The following PRKCH variants were observed in gnomAD, a reference collection of about 807,000 sequenced individuals.
The protein encoded by PRKCH is protein kinase C eta type.
In PRKCH, 28 loss-of-function variants were observed where a neutral mutation model predicts 82.5. That is an observed-to-expected ratio of 0.34 (90% CI 0.25 to 0.47). The LOEUF (loss-of-function observed/expected upper bound fraction) is 0.47. Ranked by LOEUF, PRKCH falls within the 20% of genes least tolerant of loss-of-function variation. PRKCH has a pLI of 1.00. For synonymous variants in PRKCH, 322 were observed against 327.4 expected (o/e 0.98, Z 0.18); for missense variants, 705 against 881.8 (o/e 0.80, Z 2.54).
chr14:61,477,319 G>A (rs1017372037), intron 9 of PRKCH: 2 of 152,178 alleles, frequency 1.3e-5, no homozygotes, highest in South Asian at 2.1e-4. Flanking sequence ...TAACTTTTAC[G>A]TGTTATGTCT....
Position 61,280,456 on chromosome 14 carries a change from C to T in PRKCH, c.-19+92788C>T, listed in dbSNP as rs754538378. 1 of 1,613,690 alleles carries T rather than the reference C, an allele frequency of 6.2e-7. No homozygotes were observed. Among genetic ancestry groups the T allele is most frequent in the Admixed American group, 1.7e-5 (1 of 60,012 alleles). On this transcript the variant is annotated intron_variant, in intron 1 of 3. Coordinates refer to the PRKCH transcript ENST00000555185. This position sits in a 1 kb window ranked among gnomAD's most constrained non-coding sequence, Gnocchi z 5.0. ...GTCGGGGCTGAGCTCGTAGACTGGC[C>T]GGCGCCAGTTGGGCGGGGGCGCCGT...
At chr14:61,357,559 TG>T (rs2046167233) in intron 1 of PRKCH, among the ~76,000 whole-genome samples, 1 of 152,214 alleles carries the variant, frequency 6.6e-6, no homozygotes, top group Non-Finnish European at 1.5e-5. Context: ...TCTTTCTCCT[TG>T]GCTGTCAAAT....
intron 2 of PRKCH, among the ~76,000 whole-genome samples, chr14:61,441,645 G>C (rs535797685): frequency 6.2e-4 from 94 of 150,762 alleles, no homozygotes; most frequent in Non-Finnish European, 8.0e-4. Flanking sequence ...ATTGATTTCT[G>C]TGTATTATAA....
chr14:61,430,112 T>G (rs2140258029), intron 2 of PRKCH, among the ~76,000 whole-genome samples: 1 of 152,280 alleles, frequency 6.6e-6, no homozygotes, highest in Non-Finnish European at 1.5e-5. Context: ...AATAAAGTCA[T>G]GATTCAATGA....
chr14:61,384,654 G>C (rs1225231250), intron 1 of PRKCH, among the ~76,000 whole-genome samples: 1 of 152,006 alleles, frequency 6.6e-6, no homozygotes, highest in Non-Finnish European at 1.5e-5. Flanking sequence ...AACACTGATG[G>C]CTCTTTGAGG....
chr14:61,388,621 T>C (rs1212599232), intron 1 of PRKCH, among the ~76,000 whole-genome samples: 2 of 152,146 alleles, frequency 1.3e-5, no homozygotes, highest in Non-Finnish European at 2.9e-5. Context: ...GGCCTTTATA[T>C]TGAAGATGAG....
At chr14:61,367,025 T>A (rs1025235370) in intron 1 of PRKCH, among the ~76,000 whole-genome samples, 3 of 152,040 alleles carry the variant, frequency 2.0e-5, no homozygotes, top group African/African-American at 7.3e-5. Flanking sequence ...TTTTCCTGAA[T>A]ATATCCACTT....
At chr14:61,204,800 TA>T (rs1349643158) in intron 1 of PRKCH, among the ~76,000 whole-genome samples, 1 of 149,510 alleles carries the variant, frequency 6.7e-6, no homozygotes, top group African/African-American at 2.5e-5. Context: ...AATAGAGGTA[TA>T]GGGCATTCTA....
At chr14:61,327,185 C>T in intron 1 of PRKCH, 2 of 454,422 alleles carry the variant, frequency 4.4e-6, no homozygotes, top group Non-Finnish European at 8.9e-6. Flanking sequence ...CAGTGAGGTA[C>T]CTGTTTTGTA....
chr14:61,207,241 G>A (rs2044534180), intron 1 of PRKCH, among the ~76,000 whole-genome samples: 1 of 142,138 alleles, frequency 7.0e-6, no homozygotes, highest in African/African-American at 2.5e-5. Context: ...GGAGGGAGGG[G>A]CAACAACTGC....
intron 1 of PRKCH, among the ~76,000 whole-genome samples, chr14:61,209,976 C>T (rs1295741523): frequency 6.6e-6 from 1 of 151,334 alleles, no homozygotes; most frequent in Non-Finnish European, 1.5e-5. Flanking sequence ...TGGTGGCTCA[C>T]GCTTATAATC....
intron 1 of PRKCH, among the ~76,000 whole-genome samples, chr14:61,390,066 G>A (rs910340701): frequency 3.4e-4 from 51 of 152,232 alleles, no homozygotes; most frequent in African/African-American, 1.2e-3. Context: ...ATTTATTTAA[G>A]GACAATTGTA....
intron 1 of PRKCH, among the ~76,000 whole-genome samples, chr14:61,189,488 T>G (rs931111253): frequency 1.3e-5 from 2 of 150,528 alleles, no homozygotes; most frequent in African/African-American, 2.4e-5. Context: ...GCTAACAGAC[T>G]GCACTGAAAT....
At chr14:61,294,539 A>G (rs1160367132) in intron 1 of PRKCH, among the ~76,000 whole-genome samples, 1 of 152,090 alleles carries the variant, frequency 6.6e-6, no homozygotes, top group East Asian at 1.9e-4. Flanking sequence ...TCACCCAAGC[A>G]TGTGATCAAT....
intron 2 of PRKCH, among the ~76,000 whole-genome samples, chr14:61,425,309 G>A (rs1238559833): frequency 6.6e-6 from 1 of 152,232 alleles, no homozygotes; most frequent in Non-Finnish European, 1.5e-5. Context: ...TATGAAAGCA[G>A]CCAGGAGGGG....
At chr14:61,198,791 G>A (rs959860364) in intron 1 of PRKCH, among the ~76,000 whole-genome samples, 2 of 152,184 alleles carry the variant, frequency 1.3e-5, no homozygotes, top group African/African-American at 4.8e-5. Context: ...GGCTATGTTT[G>A]GAAAATGGGC....
intron 12 of PRKCH, among the ~76,000 whole-genome samples, chr14:61,538,787 G>A (rs138797545): frequency 7.0e-4 from 106 of 152,302 alleles, no homozygotes; most frequent in African/African-American, 2.5e-3. Flanking sequence ...ACTATCAAAG[G>A]TCAGTAATTT....
At chr14:61,494,102 A>G (rs1886563938) in intron 10 of PRKCH, among the ~76,000 whole-genome samples, 1 of 152,120 alleles carries the variant, frequency 6.6e-6, no homozygotes, top group African/African-American at 2.4e-5. Context: ...TGCTCCATGG[A>G]TAGGGGCATA....
chr14:61,415,321 G>A (rs1003679133), intron 2 of PRKCH, among the ~76,000 whole-genome samples: 2 of 152,214 alleles, frequency 1.3e-5, no homozygotes, highest in Non-Finnish European at 2.9e-5. Context: ...AAAAGATGAA[G>A]TTCCTGTCAT....
Sources: gnomAD v4.1 joint callset for allele counts (sites outside exome capture counted in the v4.1 genomes callset) on GRCh38, gnomAD v4.1.1 for gene constraint, Gnocchi (gnomAD v3.1) non-coding constraint, MANE v1.5 for transcripts, NCBI Gene and HGNC (gene_info 2026-07-23, HGNC 2026-07-21) for gene names.